GPR83: variants seen among roughly 807,000 people sequenced by gnomAD.
The protein encoded by GPR83 is G-protein coupled receptor 72.
GPR83 carries 23 observed loss-of-function variants against 28.0 expected under a neutral mutation model. The observed-to-expected ratio is 0.82, with a 90% CI of 0.59 to 1.16. The LOEUF is 1.16. GPR83 is among the 50% of genes most tolerant of loss of function. GPR83 has a pLI of 0.00. For synonymous variants in GPR83, 234 were observed against 215.4 expected, an observed-to-expected ratio of 1.09 and a Z score of -0.76; for missense variants, 610 against 536.6, an observed-to-expected ratio of 1.14 and a Z score of -1.35.
chr11:94,393,164 C>G (rs1242537318), intron 3 of GPR83, among the ~76,000 whole-genome samples: 1 of 152,196 alleles, frequency 6.6e-6, no homozygotes, highest in Non-Finnish European at 1.5e-5. Flanking sequence ...TCCTTTTCAA[C>G]AAGGCCTTGG....
At chr11:94,394,162 C>A (rs1050811192) in intron 2 of GPR83, among the ~76,000 whole-genome samples, 5 of 152,162 alleles carry the variant, frequency 3.3e-5, no homozygotes, top group African/African-American at 9.7e-5. Context: ...CACGGTCAGC[C>A]CCCACCTCCT....
At position 94,377,455 on chromosome 11, in the gene GPR83, C is replaced by T. The variant is rs1186067328; in HGVS notation, c.*2694G>A. On this transcript the variant is annotated 3_prime_UTR_variant, in exon 4 of 4. Transcript: ENST00000243673. ...TTTGCTCAAAGTCACACACGGACCT[C>T]GGGGAAGGGACAGATCTAATGAGCC... 6.6e-6 allele frequency: 1 copy of T among 152,114 alleles called. No individual in the cohort carries two copies. The allele number at this position is 152,114 out of a possible 1,614,324, so 9.4% of individuals were successfully genotyped here. A position where few individuals can be genotyped will look rare whatever the true frequency, so the allele number is the denominator to read the frequency against.
intron 3 of GPR83, among the ~76,000 whole-genome samples, chr11:94,382,292 G>A (rs1444250957): frequency 7.0e-6 from 1 of 142,762 alleles, no homozygotes; most frequent in Non-Finnish European, 1.5e-5. Flanking sequence ...GCGGTGAGCT[G>A]AGATTGTGCC....
intron 1 of GPR83, among the ~76,000 whole-genome samples, chr11:94,400,338 C>T (rs962473769): frequency 1.3e-5 from 2 of 151,964 alleles, no homozygotes; most frequent in Non-Finnish European, 1.5e-5. Flanking sequence ...AATGCCACCG[C>T]CGCAGAAGCT....
At chr11:94,400,831 A>G in intron 1 of GPR83, 30 bp downstream of exon 1, 1 of 1,604,608 alleles carries the variant, frequency 6.2e-7, no homozygotes, top group Non-Finnish European at 8.5e-7. Context: ...CGAAGACAGA[A>G]GGTGGGGCGG....
At position 94,393,236 on chromosome 11, in the gene GPR83, T is replaced by C. The variant is rs1944834699; in HGVS notation, c.647+249A>G. 3.3e-5 allele frequency among the ~76,000 whole-genome samples: 5 copies of C among 152,164 alleles called. No individual in the cohort carries two copies. In the South Asian group the frequency reaches 1.0e-3, roughly 32 times the overall value. Reference sequence around the variant, plus strand: ...GGTGACAGATGCTGATAATTATTGCTTTGTCCTTGCAGAGAACCCGGAAAG... The same window carrying C: ...GGTGACAGATGCTGATAATTATTGCCTTGTCCTTGCAGAGAACCCGGAAAG... On this transcript the variant is annotated intron_variant, in intron 3 of 3. Transcript: ENST00000243673.
In GPR83 at chr11:94,386,589, C is replaced by T. The variant is rs1944758976; in HGVS notation, c.648-5816G>A. 2.0e-5 allele frequency among the ~76,000 whole-genome samples: 3 copies of T among 151,450 alleles called. No homozygotes were observed. The South Asian group carries it at 6.2e-4, about 32-fold the overall frequency. ...ACAGACTTTAAACCAAAGGCCATTA[C>T]ATAATGGTAAAGGGATCAATTCAAA... On this transcript the variant is annotated intron_variant, in intron 3 of 3. Coordinates refer to ENST00000243673, the MANE Select transcript of GPR83 (RefSeq NM_016540.4).
At position 94,380,403 on chromosome 11, in the gene GPR83, A is replaced by G. The variant is rs767028796; in HGVS notation, c.1018T>C (p.Tyr340His). The change falls in exon 4 of 4, where the codon TAT becomes CAT. Residue 340 changes from tyrosine to histidine, a missense_variant. Coordinates refer to ENST00000243673, the MANE Select transcript of GPR83 (RefSeq NM_016540.4). ...AGCCAGCAGTATATGAAGGGGTTAT[A>G]GCAGGTGCTGCTCATGGCAAACCAG... Reference protein sequence around the residue: ...FHWFAMSSTCYNPFIYCWLNE... With the variant: ...FHWFAMSSTCHNPFIYCWLNE... 4.3e-6 allele frequency: 7 copies of G among 1,614,194 alleles called. No individual in the cohort carries two copies. The highest frequency in any genetic ancestry group is 5.9e-6 in the Non-Finnish European group (7 of 1,180,026).
chr11:94,399,420 C>T (rs553213991), intron 1 of GPR83, among the ~76,000 whole-genome samples: 4 of 152,246 alleles, frequency 2.6e-5, no homozygotes, highest in East Asian at 1.9e-4. Flanking sequence ...GTTAGTGGAC[C>T]GACCTCTGGA....
rs149389877 is a variant in GPR83, at chr11:94,380,158, C to T, written c.1263G>A (p.Thr421=). 59 of 1,511,894 alleles carry T rather than the reference C, an allele frequency of 3.9e-5. No homozygotes were observed. Among genetic ancestry groups the T allele is most frequent in the South Asian group, 5.4e-5 (4 of 73,500 alleles). The allele number at this position is 1,511,894 out of a possible 1,614,324, so 93.7% of individuals were successfully genotyped here. A position where few individuals can be genotyped will look rare whatever the true frequency, so the allele number is the denominator to read the frequency against. Residue 421 remains threonine, a synonymous_variant, in exon 4 of 4, where the codon ACG becomes ACA. Coordinates refer to ENST00000243673, the MANE Select transcript of GPR83 (RefSeq NM_016540.4). The part of the protein sequence containing the change: ...TDLSSVEPIV[T]MS ...CTCTTCCCAACCTCTTCTAACTCAT[C>T]GTCACAATGGGTTCCACAGATGACA... is the stretch of plus-strand genomic sequence containing the variant.
At chr11:94,391,188 AT>A (rs1478806118) in intron 3 of GPR83, among the ~76,000 whole-genome samples, 1 of 152,168 alleles carries the variant, frequency 6.6e-6, no homozygotes, top group African/African-American at 2.4e-5. Flanking sequence ...CAACCATCTG[AT>A]TTTTGACACA....
rs922839679 is a variant in GPR83 at position 94,401,279 on chromosome 11, G to C, written c.-32C>G. 4.5e-6 allele frequency: 7 copies of C among 1,544,944 alleles called. No homozygotes were observed. The highest frequency in any genetic ancestry group is 1.4e-5 in the African/African-American group (1 of 72,910). Reference sequence around the variant, plus strand: ...GGAGCCACCCCTCCCCTGGGAGCCTGCGGGCCGGGCGTCCCCTCCCGCTGG... The same window carrying C: ...GGAGCCACCCCTCCCCTGGGAGCCTCCGGGCCGGGCGTCCCCTCCCGCTGG... On this transcript the variant is annotated 5_prime_UTR_variant, in exon 1 of 4. Coordinates refer to ENST00000243673, the MANE Select transcript of GPR83 (RefSeq NM_016540.4).
At chr11:94,399,751 CAA>C (rs1437733605) in intron 1 of GPR83, among the ~76,000 whole-genome samples, 2 of 152,116 alleles carry the variant, frequency 1.3e-5, no homozygotes, top group African/African-American at 4.8e-5. Flanking sequence ...ACTCAAATGA[CAA>C]AGTTATTCCA....
chr11:94,386,975 C>T (rs12417543), intron 3 of GPR83, among the ~76,000 whole-genome samples: 4 of 151,964 alleles, frequency 2.6e-5, no homozygotes, highest in Admixed American at 1.3e-4. Context: ...ATAACAAACT[C>T]TCTCCCAGAA....
rs115224535 is a variant in GPR83, at chr11:94,381,810, G to A, written c.648-1037C>T. 5.0e-3 allele frequency among the ~76,000 whole-genome samples: 764 copies of A among 152,186 alleles called. 11 individuals are homozygous for A. Among genetic ancestry groups the A allele is most frequent in the African/African-American group, 0.018 (729 of 41,534 alleles). On this transcript the variant is annotated intron_variant, in intron 3 of 3. Coordinates refer to ENST00000243673, the MANE Select transcript of GPR83 (RefSeq NM_016540.4). ...GACCTGTAATAAAAGACTGAGAGAC[G>A]GAGAAATAGGAAAGCCCAGTTACCT...
intron 3 of GPR83, 136 bp from the exon 4 acceptor site, chr11:94,380,909 G>A: frequency 2.9e-6 from 2 of 689,230 alleles, no homozygotes; most frequent in South Asian, 3.8e-5. Context: ...CACTTTTGAT[G>A]CTGTAGCCTA....
Position 94,396,410 on chromosome 11 carries a change from C to G in GPR83, c.502G>C (p.Asp168His), listed in dbSNP as rs750924898. The change falls in exon 2 of 4, where the codon GAT becomes CAT. Residue 168 changes from aspartate (D) to histidine (H), a missense_variant. Asp to His is a moderately conservative substitution (Grantham distance 81). Transcript: ENST00000243673. ...SALTLTAIAVDRHQVIMHPLK... is the reference protein window; with the variant it reads ...SALTLTAIAVHRHQVIMHPLK... The stretch of plus-strand genomic sequence containing the variant: ...GTAGGTGCCCTCACCTGGTGGCGAT[C>G]CACCGCAATGGCTGTCAGTGTCAGT... 3 of 1,613,706 alleles carry G rather than the reference C, an allele frequency of 1.9e-6. No individual in the cohort carries two copies. The highest frequency in any genetic ancestry group is 2.5e-6 in the Non-Finnish European group (3 of 1,179,774).
chr11:94,401,105 G>C lies in GPR83; in HGVS notation c.143C>G (p.Thr48Ser), dbSNP rs1565189652. ...ASHFFSWNNY[T>S]FSDWQNFVGR... ...CACAAAGTTCTGCCAGTCGGAGAAG[G>C]TGTAGTTGTTCCAAGAGAAGAAGTG... The change falls in exon 1 of 4, where the codon ACC (threonine) becomes AGC (serine). Residue 48 changes from threonine (T) to serine (S), a missense_variant. Coordinates refer to ENST00000243673, the MANE Select transcript of GPR83 (RefSeq NM_016540.4). 2.5e-6 allele frequency: 4 copies of C among 1,614,240 alleles called. No homozygotes were observed. The highest frequency in any genetic ancestry group is 8.5e-7 in the Non-Finnish European group (1 of 1,180,036).
chr11:94,381,027 C>T (rs1157044871), intron 3 of GPR83, among the ~76,000 whole-genome samples: 2 of 152,094 alleles, frequency 1.3e-5, no homozygotes, highest in African/African-American at 2.4e-5. Context: ...ATTCCTAGCC[C>T]ACAGTAGAGA....
Sources: gnomAD v4.1 joint callset for allele counts (sites outside exome capture counted in the v4.1 genomes callset) on GRCh38, gnomAD v4.1.1 for gene constraint, MANE v1.5 for transcripts, NCBI Gene and HGNC (gene_info 2026-07-23, HGNC 2026-07-21) for gene names.